The following WDPCP variants were observed in gnomAD, a reference collection of about 807,000 sequenced individuals.
WDPCP encodes the protein WD repeat containing planar cell polarity effector, also known as WD repeat-containing and planar cell polarity effector protein fritz homolog.
Under a neutral mutation model 93.1 loss-of-function variants are expected in WDPCP, and 71 were observed. The ratio of observed to expected loss-of-function variants is 0.76; its 90% CI spans 0.63 to 0.93. The LOEUF (loss-of-function observed/expected upper bound fraction) is 0.93, where lower values mean the gene tolerates loss of function less well. WDPCP is among the 40% of genes least tolerant of loss of function. WDPCP has a pLI of 0.00. For synonymous variants in WDPCP, 315 were observed against 315.0 expected, an observed-to-expected ratio of 1.00 and a Z score of 0.00; for missense variants, 844 against 887.4, an observed-to-expected ratio of 0.95 and a Z score of 0.62.
intron 9 of WDPCP, among the ~76,000 whole-genome samples, chr2:63,431,960 A>T (rs1460173272): frequency 6.6e-6 from 1 of 152,186 alleles, no homozygotes; most frequent in Non-Finnish European, 1.5e-5. Flanking sequence ...AATGCATAAA[A>T]TGAATAATTT....
chr2:63,381,329 A>G (rs1692287652), intron 11 of WDPCP, among the ~76,000 whole-genome samples: 1 of 152,092 alleles, frequency 6.6e-6, no homozygotes, highest in Non-Finnish European at 1.5e-5. Flanking sequence ...TTAGATATAT[A>G]TCAACAAAAT....
intron 13 of WDPCP, among the ~76,000 whole-genome samples, chr2:63,268,627 G>A (rs1331037419): frequency 6.6e-6 from 1 of 151,812 alleles, no homozygotes; most frequent in Non-Finnish European, 1.5e-5. Flanking sequence ...CACCCCACTT[G>A]GCTAGTTTTG....
chr2:63,175,666 A>G (rs2104018582), intron 14 of WDPCP, among the ~76,000 whole-genome samples: 1 of 152,340 alleles, frequency 6.6e-6, no homozygotes, highest in Middle Eastern at 3.4e-3. Context: ...TAGATCTTGT[A>G]TAAGTGGTAT....
chr2:63,520,679 C>G (rs1168747752), intron 1 of WDPCP, among the ~76,000 whole-genome samples: 1 of 151,954 alleles, frequency 6.6e-6, no homozygotes, highest in Non-Finnish European at 1.5e-5. Flanking sequence ...ATCACTTGAG[C>G]CCAGGAGTTT....
intron 6 of WDPCP, among the ~76,000 whole-genome samples, chr2:63,476,048 C>T (rs1174227618): frequency 6.6e-6 from 1 of 152,040 alleles, no homozygotes; most frequent in African/African-American, 2.4e-5. Flanking sequence ...TTTTACCTGT[C>T]ATTCTAAATT....
intron 11 of WDPCP, among the ~76,000 whole-genome samples, chr2:63,378,918 A>G (rs1381963693): frequency 6.6e-6 from 1 of 152,182 alleles, no homozygotes; most frequent in African/African-American, 2.4e-5. Context: ...TGAAATCGAT[A>G]TAGCAGAAAT....
chr2:63,232,441 GAC>G (rs1263956145), intron 14 of WDPCP: 1 of 152,214 alleles, frequency 6.6e-6, no homozygotes. Flanking sequence ...TCTAAGTTTA[GAC>G]ACAGATTTTG....
intron 6 of WDPCP, among the ~76,000 whole-genome samples, chr2:63,454,476 C>T (rs1698489858): frequency 6.6e-6 from 1 of 151,422 alleles, no homozygotes; most frequent in African/African-American, 2.4e-5. Flanking sequence ...ATGTTGTGCA[C>T]ATGTACCCCA....
At chr2:63,293,526 A>G (rs996519213) in intron 13 of WDPCP, among the ~76,000 whole-genome samples, 17 of 152,160 alleles carry the variant, frequency 1.1e-4, no homozygotes, top group Admixed American at 3.9e-4. Flanking sequence ...TTTTAAGAGG[A>G]AAAAATAAAC....
intron 1 of WDPCP, among the ~76,000 whole-genome samples, chr2:63,821,099 G>A (rs80117888): frequency 0.019 from 2,965 of 152,282 alleles, 66 homozygotes; most frequent in Admixed American, 0.048. Flanking sequence ...ACACAGACAT[G>A]AATAAATGAT....
intron 8 of WDPCP, among the ~76,000 whole-genome samples, chr2:63,435,465 C>T (rs114098119): frequency 0.033 from 4,974 of 152,126 alleles, 94 homozygotes; most frequent in South Asian, 0.068. Context: ...AGAAATACCA[C>T]GATGAAATTG....
intron 17 of WDPCP, among the ~76,000 whole-genome samples, chr2:63,125,230 C>T (rs1289726912): frequency 1.3e-5 from 2 of 152,212 alleles, no homozygotes; most frequent in Non-Finnish European, 2.9e-5. Flanking sequence ...GCTTCTGGTA[C>T]ATACGAGAGA....
chr2:63,468,272 C>A (rs372688495), intron 6 of WDPCP, among the ~76,000 whole-genome samples: 7 of 152,180 alleles, frequency 4.6e-5, no homozygotes, highest in Non-Finnish European at 1.0e-4. Flanking sequence ...ACATCTCCCC[C>A]ACAAATCTCT....
At chr2:63,405,611 T>A (rs1382755852) in intron 9 of WDPCP, among the ~76,000 whole-genome samples, 2 of 142,056 alleles carry the variant, frequency 1.4e-5, no homozygotes, top group South Asian at 2.3e-4. Flanking sequence ...CTGGAACCAA[T>A]CATCCACATA....
intron 2 of WDPCP, among the ~76,000 whole-genome samples, chr2:63,776,517 G>A (rs1338059391): frequency 6.6e-6 from 1 of 151,854 alleles, no homozygotes; most frequent in Non-Finnish European, 1.5e-5. Flanking sequence ...TTACCTGGGT[G>A]TGGTGGCGCA....
chr2:63,625,269 A>G (rs1709797781), intron 3 of WDPCP, among the ~76,000 whole-genome samples: 1 of 152,232 alleles, frequency 6.6e-6, no homozygotes, highest in Admixed American at 6.5e-5. Context: ...AAACAGGCAC[A>G]AGACAAGGAT....
chr2:63,148,600 CACT>C (rs1671683717), intron 17 of WDPCP, among the ~76,000 whole-genome samples: 3 of 151,674 alleles, frequency 2.0e-5, no homozygotes. Context: ...GTGATCCACC[CACT>C]ACCCAAAGTG....
chr2:63,623,234 T>A (rs186686299), intron 3 of WDPCP, among the ~76,000 whole-genome samples: 1 of 152,252 alleles, frequency 6.6e-6, no homozygotes, highest in East Asian at 1.9e-4. Flanking sequence ...TGCAAAAACA[T>A]ACCAAATTGT....
At chr2:63,760,077 GAC>G (rs1670033766) in intron 2 of WDPCP, among the ~76,000 whole-genome samples, 1 of 152,202 alleles carries the variant, frequency 6.6e-6, no homozygotes, top group East Asian at 1.9e-4. Context: ...TGGGAGGCAG[GAC>G]TGTGAATGAG....
Sources: allele counts gnomAD v4.1 joint callset (sites outside exome capture counted in the v4.1 genomes callset), GRCh38; gene constraint gnomAD v4.1.1; transcripts MANE v1.5; gene names NCBI Gene and HGNC (gene_info 2026-07-23, HGNC 2026-07-21).